IFT88: variants seen among roughly 807,000 people sequenced by gnomAD.
The protein encoded by IFT88 is intraflagellar transport protein 88 homolog.
IFT88 carries 74 observed loss-of-function variants against 119.5 expected under a neutral mutation model. The ratio of observed to expected loss-of-function variants is 0.62; its 90% confidence interval spans 0.51 to 0.75. IFT88 has a LOEUF of 0.75. IFT88 is among the 30% of genes least tolerant of loss of function. The pLI, the probability that IFT88 is intolerant of heterozygous loss-of-function variation, is 0.00. For missense variants in IFT88, 961 were observed against 977.7 expected, an observed-to-expected ratio of 0.98 and a Z score of 0.23; for synonymous variants, 279 against 316.7, an observed-to-expected ratio of 0.88 and a Z score of 1.26.
chr13:20,645,821 C>T (rs1416744058), intron 20 of IFT88, among the ~76,000 whole-genome samples: 1 of 152,034 alleles, frequency 6.6e-6, no homozygotes, highest in Non-Finnish European at 1.5e-5. Context: ...TAAAGAAATG[C>T]TTAATAAGTG....
At chr13:20,651,803 T>A (rs1476667971) in intron 20 of IFT88, among the ~76,000 whole-genome samples, 1 of 152,160 alleles carries the variant, frequency 6.6e-6, no homozygotes, top group African/African-American at 2.4e-5. Context: ...TCAGTAGTAT[T>A]TGTAGTTTCA....
intron 9 of IFT88, among the ~76,000 whole-genome samples, chr13:20,597,607 G>C (rs190773185): frequency 4.6e-5 from 7 of 151,912 alleles, no homozygotes; most frequent in African/African-American, 1.5e-4. Flanking sequence ...AGCCGGGTGT[G>C]GTGGCGGGCG....
At chr13:20,663,075 A>G (rs1051384915) in intron 22 of IFT88, among the ~76,000 whole-genome samples, 7 of 152,262 alleles carry the variant, frequency 4.6e-5, no homozygotes, top group African/African-American at 1.7e-4. Context: ...ACTTAATTTA[A>G]AAATGAATTT....
intron 3 of IFT88, among the ~76,000 whole-genome samples, chr13:20,584,725 T>C (rs956159778): frequency 3.3e-5 from 5 of 152,214 alleles, no homozygotes; most frequent in African/African-American, 9.6e-5. Context: ...AGTAGTGAAG[T>C]AGAGAAAGTT....
chr13:20,643,921 T>G (rs2050343685), intron 19 of IFT88, among the ~76,000 whole-genome samples: 1 of 152,108 alleles, frequency 6.6e-6, no homozygotes, highest in Admixed American at 6.5e-5. Context: ...GTGCAGCTAA[T>G]TTTTGTATTT....
intron 2 of IFT88, among the ~76,000 whole-genome samples, chr13:20,576,349 G>A (rs12381080): frequency 8.6e-5 from 13 of 151,900 alleles, no homozygotes; most frequent in South Asian, 2.1e-4. Flanking sequence ...TTCCTTTGTC[G>A]TGCAGAAGCT....
chr13:20,689,919 A>T (rs2058318351), intron 24 of IFT88, among the ~76,000 whole-genome samples: 1 of 152,236 alleles, frequency 6.6e-6, no homozygotes, highest in Non-Finnish European at 1.5e-5. Flanking sequence ...AATATACTAA[A>T]GTGTGTAGAC....
intron 2 of IFT88, among the ~76,000 whole-genome samples, chr13:20,576,711 C>T (rs2037452507): frequency 1.3e-5 from 2 of 152,130 alleles, no homozygotes; most frequent in South Asian, 4.1e-4. Flanking sequence ...GTTCTCTATT[C>T]TGTTCCATTA....
rs770643112 is a variant in IFT88 at position 20,638,424 on chromosome 13, AG to A, written c.1480del (p.Val494PhefsTer18). 1 of 1,531,548 alleles carries A rather than the reference AG, an allele frequency of 6.5e-7. No individual in the cohort carries two copies. Among genetic ancestry groups the A allele is most frequent in the East Asian group, 2.5e-5 (1 of 40,680 alleles). 94.9% of individuals were successfully genotyped at this position (1,531,548 alleles called of 1,614,324 possible). A position where few individuals can be genotyped will look rare whatever the true frequency, so the allele number is the denominator to read the frequency against. ...PAALTNKGNT[V>X]FANGDYEKAA... ...CAGCTCTTACTAATAAAGGGAATAC[AG>A]TTTTTGCAAATGGTGATTATGAGAA... On this transcript the variant is annotated frameshift_variant, in exon 17 of 26. Coordinates refer to ENST00000351808, the MANE Select transcript of IFT88 (RefSeq NM_006531.5). LOFTEE classifies it high-confidence loss of function.
In IFT88 at chr13:20,653,871, T is replaced by C; in HGVS notation, c.1950-5T>C. On this transcript the variant is annotated splice_polypyrimidine_tract_variant and splice_region_variant and intron_variant, in intron 20 of 25. Coordinates refer to ENST00000351808, the MANE Select transcript of IFT88 (RefSeq NM_006531.5). ...CTAATTTCATCTCATTTATTTATTT[T>C]ATAGGCCTACACAAGTGAAATGGCA... is the stretch of plus-strand genomic sequence containing the variant. The C allele has an allele frequency of 6.5e-7, 1 of 1,527,150 alleles. No individual in the cohort carries two copies. The highest frequency in any genetic ancestry group is 2.1e-5 in the Admixed American group (1 of 48,502). 94.6% of individuals were successfully genotyped at this position (1,527,150 alleles called of 1,614,324 possible).
intron 24 of IFT88, among the ~76,000 whole-genome samples, chr13:20,688,410 G>T (rs2058171092): frequency 6.6e-6 from 1 of 152,290 alleles, no homozygotes; most frequent in East Asian, 1.9e-4. Flanking sequence ...TAGAAAACAA[G>T]AAGAGCTCTT....
rs2044492575 is a variant in IFT88 at position 20,611,453 on chromosome 13, T to C, written c.1113-4340T>C. Among the ~76,000 whole-genome samples the C allele has an allele frequency of 3.0e-5, 4 of 135,074 alleles. No homozygotes were observed. The South Asian group carries it at 9.4e-4, about 32-fold the overall frequency. The allele number at this position is 135,074 out of a possible 152,430, so 88.6% of individuals were successfully genotyped here. A position where few individuals can be genotyped will look rare whatever the true frequency, so the allele number is the denominator to read the frequency against. On this transcript the variant is annotated intron_variant, in intron 13 of 25. Transcript: ENST00000351808. ...TTGCTTGAGCCTGGGAGGTGGAGGT[T>C]GCAGTGAGCCAAAATTGTGCCACTG...
intron 1 of IFT88, among the ~76,000 whole-genome samples, 173 bp from the exon 2 acceptor site, chr13:20,574,207 G>A (rs926339624): frequency 6.6e-6 from 1 of 152,142 alleles, no homozygotes; most frequent in Non-Finnish European, 1.5e-5. Context: ...CAAGCCTATA[G>A]TACCAGGGAG....
intron 2 of IFT88, among the ~76,000 whole-genome samples, chr13:20,576,424 C>T (rs2037394489): frequency 6.6e-6 from 1 of 152,096 alleles, no homozygotes; most frequent in Non-Finnish European, 1.5e-5. Flanking sequence ...TGGGGTATTA[C>T]TCAATAAATC....
chr13:20,616,884 A>G (rs1428826737), intron 14 of IFT88, among the ~76,000 whole-genome samples: 2 of 152,092 alleles, frequency 1.3e-5, no homozygotes, highest in Non-Finnish European at 2.9e-5. Context: ...CCATTATCTT[A>G]TGGGACCACT....
chr13:20,600,074 A>G (rs763966348), intron 11 of IFT88, among the ~76,000 whole-genome samples: 6 of 152,116 alleles, frequency 3.9e-5, no homozygotes, highest in South Asian at 2.1e-4. Context: ...AGTTTCCAAG[A>G]TATTTACTGA....
At chr13:20,574,674 G>T (rs1423182630) in intron 2 of IFT88, among the ~76,000 whole-genome samples, 199 bp downstream of exon 2, 1 of 152,112 alleles carries the variant, frequency 6.6e-6, no homozygotes, top group East Asian at 1.9e-4. Context: ...CATGAGACAG[G>T]TTACAAAAAT....
At chr13:20,611,681 T>G (rs1399287774) in intron 13 of IFT88, among the ~76,000 whole-genome samples, 1 of 151,846 alleles carries the variant, frequency 6.6e-6, no homozygotes, top group Non-Finnish European at 1.5e-5. Context: ...CTCAGCTCAC[T>G]GCAACCTCCG....
At chr13:20,592,425 T>C in intron 7 of IFT88, 21 bp downstream of exon 7, 3 of 1,520,670 alleles carry the variant, frequency 2.0e-6, no homozygotes, top group Non-Finnish European at 2.7e-6. Context: ...CCTTATGTTG[T>C]TGTTTGTTGT....
Sources: allele counts gnomAD v4.1 joint callset (sites outside exome capture counted in the v4.1 genomes callset), GRCh38; gene constraint gnomAD v4.1.1; transcripts MANE v1.5; gene names NCBI Gene and HGNC (gene_info 2026-07-23, HGNC 2026-07-21).